The following CEP162 variants were observed in gnomAD, a reference collection of about 807,000 sequenced individuals.
CEP162 encodes the protein centrosomal protein of 162 kDa.
In CEP162, 141 loss-of-function variants were observed where a neutral mutation model predicts 169.2. The ratio of observed to expected loss-of-function variants is 0.83; its 90% CI spans 0.73 to 0.96. The LOEUF (loss-of-function observed/expected upper bound fraction) is 0.96, where lower values mean the gene tolerates loss of function less well. Among genes scored for constraint, CEP162 ranks in the 40% least tolerant of loss-of-function variants. CEP162 has a pLI of 0.00. For synonymous variants in CEP162, 540 were observed against 526.4 expected (o/e 1.03, Z -0.35); for missense variants, 1,600 against 1,587.2 (o/e 1.01, Z -0.14).
rs149158530 is a variant in CEP162, at chr6:84,207,305, C to G, written c.572-3209G>C. ...GTGGCACTGTTCACAATAGCAAAGA[C>G]TTGGAGTCAACCCAAATGTCCATCA... On this transcript the variant is annotated intron_variant, in intron 6 of 26. Coordinates refer to ENST00000403245, the MANE Select transcript of CEP162 (RefSeq NM_014895.4). 7.7e-3 allele frequency among the ~76,000 whole-genome samples: 1,173 copies of G among 152,212 alleles called. 14 individuals are homozygous for G. The highest frequency in any genetic ancestry group is 0.027 in the African/African-American group (1,118 of 41,532).
chr6:84,189,717 C>A (rs9449829), intron 11 of CEP162, among the ~76,000 whole-genome samples: 143,403 of 151,550 alleles, frequency 0.95, 67,923 homozygotes, highest in East Asian at 1. Flanking sequence ...CTCCACGGCG[C>A]CCAGTCCCAT....
intron 21 of CEP162, among the ~76,000 whole-genome samples, chr6:84,157,067 A>G (rs2099523506): frequency 1.3e-5 from 2 of 152,176 alleles, no homozygotes; most frequent in Admixed American, 6.5e-5. Context: ...ACCACTATGC[A>G]ATATATGCCT....
chr6:84,131,535 T>C (rs527977692), intron 25 of CEP162, among the ~76,000 whole-genome samples: 1 of 152,330 alleles, frequency 6.6e-6, no homozygotes, highest in African/African-American at 2.4e-5. Context: ...TGCTCCTGCA[T>C]TGGGTGCATA....
rs897944221 is a variant in CEP162, at chr6:84,184,194, T to C, written c.1663+993A>G. Among the ~76,000 whole-genome samples the C allele has an allele frequency of 9.9e-5, 15 of 152,178 alleles. 1 individual carries two copies. The highest frequency in any genetic ancestry group is 3.6e-4 in the African/African-American group (15 of 41,450). On this transcript the variant is annotated intron_variant, in intron 13 of 26. Coordinates refer to ENST00000403245, the MANE Select transcript of CEP162 (RefSeq NM_014895.4). ...TAAAGCAATTCTTCCCTCACTCTCG[T>C]ACATTGTCAATTATTTTTCTTTCTA...
In CEP162 at chr6:84,163,289, T is replaced by A; in HGVS notation, c.2386-19A>T. 1 of 1,577,238 alleles carries A rather than the reference T, an allele frequency of 6.3e-7. No individual in the cohort carries two copies. Among genetic ancestry groups the A allele is most frequent in the South Asian group, 1.1e-5 (1 of 88,576 alleles). On this transcript the variant is annotated intron_variant, in intron 18 of 26. Transcript: ENST00000403245. Reference sequence around the variant, plus strand: ...TTTCTTTCTTGATATTCAAAAGAAATATAAAAGCAAGTTTTTTACAACCAC... The same window carrying A: ...TTTCTTTCTTGATATTCAAAAGAAAAATAAAAGCAAGTTTTTTACAACCAC...
chr6:84,198,568 T>C (rs1002116215), intron 9 of CEP162, among the ~76,000 whole-genome samples: 3 of 152,162 alleles, frequency 2.0e-5, no homozygotes, highest in East Asian at 3.9e-4. Context: ...ATGGGAGCCA[T>C]TGCACCTAGC....
chr6:84,217,374 T>C (rs1256628929), intron 3 of CEP162, among the ~76,000 whole-genome samples: 26 of 152,152 alleles, frequency 1.7e-4, no homozygotes. Flanking sequence ...AGGCTTTCAC[T>C]GAGAAGTTAA....
At chr6:84,126,689 C>CT (rs755174423) in intron 25 of CEP162, among the ~76,000 whole-genome samples, 177 bp from the exon 26 acceptor site, 1 of 152,172 alleles carries the variant, frequency 6.6e-6, no homozygotes, top group African/African-American at 2.4e-5. Flanking sequence ...CCTCCTAACT[C>CT]TGAGTTGACC....
rs146741434 is a variant in CEP162, at chr6:84,185,565, G to A, written c.1402-117C>T. The A allele has an allele frequency of 3.5e-6, 3 of 853,300 alleles. No homozygotes were observed. In the Admixed American group the frequency reaches 8.8e-5, roughly 25 times the overall value. The allele number at this position is 853,300 out of a possible 1,614,324, so 52.9% of individuals were successfully genotyped here. A position where few individuals can be genotyped will look rare whatever the true frequency, so the allele number is the denominator to read the frequency against. ...TTATCAAATAATGTAGTTTGTAAAA[G>A]GCAAACTACCATAGTTAAGTTCTTG... On this transcript the variant is annotated intron_variant, in intron 12 of 26. Transcript: ENST00000403245.
At chr6:84,208,192 T>C (rs944544222) in intron 6 of CEP162, among the ~76,000 whole-genome samples, 1 of 152,132 alleles carries the variant, frequency 6.6e-6, no homozygotes, top group Non-Finnish European at 1.5e-5. Flanking sequence ...CTCAATGACT[T>C]TGTGCAGAAG....
intron 2 of CEP162, among the ~76,000 whole-genome samples, chr6:84,223,949 C>T (rs1304941427): frequency 6.6e-6 from 1 of 151,914 alleles, no homozygotes; most frequent in Non-Finnish European, 1.5e-5. Context: ...AACTAATACA[C>T]TACTAGTGGA....
At chr6:84,172,827 G>C (rs2099530700) in intron 16 of CEP162, among the ~76,000 whole-genome samples, 1 of 152,142 alleles carries the variant, frequency 6.6e-6, no homozygotes, top group Admixed American at 6.5e-5. Context: ...CAAAAGAGAA[G>C]AATGTAATGA....
At chr6:84,216,907 T>A (rs1442921773) in intron 3 of CEP162, among the ~76,000 whole-genome samples, 4 of 152,314 alleles carry the variant, frequency 2.6e-5, no homozygotes, top group Middle Eastern at 3.4e-3. Context: ...TGAATTTTTT[T>A]ATAATAAAAA....
At chr6:84,187,382 T>G (rs1366619352) in intron 11 of CEP162, among the ~76,000 whole-genome samples, 1 of 152,186 alleles carries the variant, frequency 6.6e-6, no homozygotes, top group Non-Finnish European at 1.5e-5. Context: ...GATTAAAGAA[T>G]GTTTAAGAGG....
intron 8 of CEP162, 79 bp from the exon 9 acceptor site, chr6:84,200,984 C>T: frequency 2.2e-6 from 2 of 919,312 alleles, no homozygotes; most frequent in South Asian, 2.9e-5. Flanking sequence ...TTATTTTAAA[C>T]ATATGCAATG....
chr6:84,124,976 G>T lies in CEP162; in HGVS notation c.*94C>A. ...GTTGTTTGCTTTCTGGAAACATATTGGAACACTTGTTTTTCATAAGCTGTC... is the reference window on the plus strand; with the variant it reads ...GTTGTTTGCTTTCTGGAAACATATTTGAACACTTGTTTTTCATAAGCTGTC... On this transcript the variant is annotated 3_prime_UTR_variant, in exon 27 of 27. Transcript: ENST00000403245. 1.1e-6 allele frequency: 1 copy of T among 930,102 alleles called. No individual in the cohort carries two copies. The highest frequency in any genetic ancestry group is 1.6e-6 in the Non-Finnish European group (1 of 609,398). 57.6% of individuals were successfully genotyped at this position (930,102 alleles called of 1,614,324 possible).
At chr6:84,204,367 T>C (rs1487554423) in intron 6 of CEP162, among the ~76,000 whole-genome samples, 2 of 152,130 alleles carry the variant, frequency 1.3e-5, no homozygotes, top group African/African-American at 2.4e-5. Context: ...ATATAAATGA[T>C]AACAAACTGT....
chr6:84,202,528 T>TC (rs1234098170), intron 7 of CEP162, among the ~76,000 whole-genome samples: 1 of 123,610 alleles, frequency 8.1e-6, no homozygotes. Flanking sequence ...CTTTTTTTTT[T>TC]TTTTTTTTTT....
rs867976199 is a variant in CEP162, at chr6:84,124,995, A to G, written c.*75T>C. On this transcript the variant is annotated 3_prime_UTR_variant, in exon 27 of 27. Transcript: ENST00000403245. ...CATATTGGAACACTTGTTTTTCATA[A>G]GCTGTCCTGACAGTGGCACAATCCC... The G allele has an allele frequency of 1.1e-4, 117 of 1,075,068 alleles. No individual in the cohort carries two copies. In the African/African-American group the frequency reaches 1.5e-3, roughly 14 times the overall value. The allele number at this position is 1,075,068 out of a possible 1,614,324, so 66.6% of individuals were successfully genotyped here.
Sources: allele counts gnomAD v4.1 joint callset (sites outside exome capture counted in the v4.1 genomes callset), GRCh38; gene constraint gnomAD v4.1.1; transcripts MANE v1.5; gene names NCBI Gene and HGNC (gene_info 2026-07-23, HGNC 2026-07-21).